Variants in DST observed in about 807,000 individuals in gnomAD.
DST encodes dystonin.
Under a neutral mutation model 875.2 loss-of-function variants are expected in DST, and 253 were observed. The observed-to-expected ratio is 0.29, with a 90% CI of 0.26 to 0.32. DST has a LOEUF of 0.32. Ranked by LOEUF, DST falls within the 10% of genes least tolerant of loss-of-function variation. The probability of loss-of-function intolerance (pLI) is 1.00; values close to 1 mark genes in which losing one functional copy is unlikely to be tolerated. For synonymous variants in DST, 3,124 were observed against 3,197.1 expected, an observed-to-expected ratio of 0.98 and a Z score of 0.77; for missense variants, 8,287 against 9,111.6, an observed-to-expected ratio of 0.91 and a Z score of 3.68.
intron 77 of DST, among the ~76,000 whole-genome samples, chr6:56,504,417 T>G (rs956649161): frequency 6.6e-6 from 1 of 152,290 alleles, no homozygotes; most frequent in Non-Finnish European, 1.5e-5. Context: ...TCATTACATG[T>G]GCTTAAAAGG....
At chr6:56,615,451 A>G (rs1169543274) in intron 36 of DST, 1 of 1,609,592 alleles carries the variant, frequency 6.2e-7, no homozygotes, top group Non-Finnish European at 8.5e-7. Flanking sequence ...CGATATCATC[A>G]TACTCTGAAA....
At chr6:56,529,302 T>C (rs971252588) in intron 66 of DST, 146 bp downstream of exon 66, 1 of 678,170 alleles carries the variant, frequency 1.5e-6, no homozygotes, top group South Asian at 3.4e-5. Flanking sequence ...AATGACTTCA[T>C]TAAAAGTAAT....
Position 56,639,510 on chromosome 6 carries a change from TTCC to T in DST, c.2796_2798del (p.Glu933del), listed in dbSNP as rs1272968873. On this transcript the variant is annotated inframe_deletion, in exon 21 of 104. Transcript: ENST00000680361. ...TTCTCTCACTCCAGTCATAAGCAAC[TTCC>T]TCCTCTTCTTTTTCATTCAACCAAA... 5 of 1,613,904 alleles carry T rather than the reference TTCC, an allele frequency of 3.1e-6. No homozygotes were observed. The highest frequency in any genetic ancestry group is 3.3e-5 in the Admixed American group (2 of 59,998).
intron 98 of DST, 114 bp from the exon 99 acceptor site, chr6:56,466,309 T>C (rs1415399458): frequency 1.7e-6 from 1 of 604,346 alleles, no homozygotes; most frequent in Non-Finnish European, 2.7e-6. Context: ...GCTTAGTTCA[T>C]AGCGATTAGT....
At chr6:56,832,649 A>T (rs2153062591) in intron 4 of DST, among the ~76,000 whole-genome samples, 1 of 152,048 alleles carries the variant, frequency 6.6e-6, no homozygotes, top group African/African-American at 2.4e-5. Context: ...AGCACAAACT[A>T]TTGCTTCAAG....
At chr6:56,801,616 G>A (rs1317822348) in intron 4 of DST, among the ~76,000 whole-genome samples, 1 of 151,864 alleles carries the variant, frequency 6.6e-6, no homozygotes, top group African/African-American at 2.4e-5. Context: ...CCAAAGACTC[G>A]ACATGTTCAT....
chr6:56,677,093 G>A (rs2099134618), intron 9 of DST, among the ~76,000 whole-genome samples: 2 of 152,082 alleles, frequency 1.3e-5, no homozygotes, highest in South Asian at 4.1e-4. Flanking sequence ...AATTTCATAA[G>A]ATGTTGTACA....
intron 4 of DST, among the ~76,000 whole-genome samples, chr6:56,767,984 T>C (rs939767312): frequency 6.6e-6 from 1 of 151,924 alleles, no homozygotes; most frequent in Non-Finnish European, 1.5e-5. Context: ...AGACAAAAAG[T>C]ATTAAAAGAT....
At chr6:56,904,717 C>T (rs1455243344) in intron 2 of DST, among the ~76,000 whole-genome samples, 1 of 152,006 alleles carries the variant, frequency 6.6e-6, no homozygotes, top group East Asian at 1.9e-4. Context: ...TAAAAAAAAG[C>T]CATGTCTTTT....
intron 5 of DST, among the ~76,000 whole-genome samples, chr6:56,708,544 A>G (rs1219207229): frequency 2.0e-5 from 3 of 151,326 alleles, no homozygotes; most frequent in Admixed American, 6.5e-5. Flanking sequence ...CCTACAAAAT[A>G]TAAGATATCA....
chr6:56,709,911 CAT>C (rs1423608531), intron 5 of DST, among the ~76,000 whole-genome samples: 2 of 152,116 alleles, frequency 1.3e-5, no homozygotes, highest in Non-Finnish European at 2.9e-5. Context: ...CACAAAACTA[CAT>C]ATGAGTTGCA....
At chr6:56,551,348 C>A (rs1271048530) in intron 61 of DST, among the ~76,000 whole-genome samples, 1 of 152,128 alleles carries the variant, frequency 6.6e-6, no homozygotes, top group Non-Finnish European at 1.5e-5. Context: ...GTAAAACACA[C>A]CTCATAAATA....
chr6:56,759,189 G>A (rs1378849873), intron 4 of DST, among the ~76,000 whole-genome samples: 2 of 152,174 alleles, frequency 1.3e-5, no homozygotes, highest in African/African-American at 2.4e-5. Flanking sequence ...AGTGGCTCAC[G>A]CCTGTAATCC....
At chr6:56,618,464 T>C in intron 36 of DST, 1 of 1,614,240 alleles carries the variant, frequency 6.2e-7, no homozygotes, top group Non-Finnish European at 8.5e-7. Context: ...TAATTGATGT[T>C]CATGCTCTTT....
At chr6:56,468,124 G>T (rs1272334435) in intron 98 of DST, among the ~76,000 whole-genome samples, 2 of 151,768 alleles carry the variant, frequency 1.3e-5, no homozygotes, top group African/African-American at 4.8e-5. Context: ...ATGTAATATG[G>T]TCAGATACTA....
intron 30 of DST, 128 bp from the exon 31 acceptor site, chr6:56,630,511 A>G (rs529544448): frequency 1.4e-5 from 12 of 851,242 alleles, no homozygotes; most frequent in Admixed American, 1.3e-4. Context: ...TACATTTACT[A>G]TGAAACTGAC....
chr6:56,604,136 C>T lies in DST; in HGVS notation c.10492G>A (p.Ala3498Thr). The T allele has an allele frequency of 6.3e-7, 1 of 1,583,462 alleles. No individual in the cohort carries two copies. Among genetic ancestry groups the T allele is most frequent in the Non-Finnish European group, 8.6e-7 (1 of 1,162,644 alleles). The change falls in exon 40 of 104, where the codon GCT (alanine) becomes ACT (threonine). Residue 3498 changes from alanine (A) to threonine (T), a missense_variant. Around this residue, in one of 10 missense-constraint regions of DST, gnomAD observed 3,138 missense variants for 3,116.6 expected, o/e 1.01. Transcript: ENST00000680361. ...QLENIFYKLL[A>T]DGYSEKIEHV... ...TCTATTTTCTCTGAATATCCATCAGCAAGCAGTTTGTAGAAAATATTTTCA... is the reference window on the plus strand; with the variant it reads ...TCTATTTTCTCTGAATATCCATCAGTAAGCAGTTTGTAGAAAATATTTTCA...
In DST at chr6:56,572,838, T is replaced by G. The variant is rs1450079496; in HGVS notation, c.13463A>C (p.Lys4488Thr). Residue 4488 changes from lysine to threonine, a missense_variant, in exon 52 of 104, where the codon AAG becomes ACG. Transcript: ENST00000680361. ...KVELFENLSE[K>T]LQTFLETKTQ... is the part of the protein sequence containing the mutation. ...TTTTGTTTCTAAAAATGTCTGGAGC[T>G]TTTCTGAGAGGTTCTCAAACAGTTC... is the stretch of plus-strand genomic sequence containing the variant. The G allele has an allele frequency of 6.2e-7, 1 of 1,612,210 alleles. No homozygotes were observed. Among genetic ancestry groups the G allele is most frequent in the Non-Finnish European group, 8.5e-7 (1 of 1,179,448 alleles).
intron 4 of DST, chr6:56,786,011 T>C (rs1421600719): frequency 6.6e-6 from 1 of 152,244 alleles, no homozygotes; most frequent in African/African-American, 2.4e-5. Flanking sequence ...TAAACTTTCA[T>C]TGTATTATAG....
Sources: allele counts gnomAD v4.1 joint callset (sites outside exome capture counted in the v4.1 genomes callset), GRCh38; gene constraint gnomAD v4.1.1; regional missense constraint gnomAD v4.1.1; transcripts MANE v1.5; gene names NCBI Gene and HGNC (gene_info 2026-07-23, HGNC 2026-07-21).